The following UPP2 variants were observed in gnomAD, a reference collection of about 807,000 sequenced individuals.
The protein encoded by UPP2 is UPase 2.
Under a neutral mutation model 26.7 loss-of-function variants are expected in UPP2, and 23 were observed. The observed-to-expected ratio is 0.86, with a 90% confidence interval of 0.62 to 1.22. The LOEUF is 1.22. Among genes scored for constraint, UPP2 ranks in the 50% most tolerant of loss-of-function variants. The pLI is 0.00. For synonymous variants in UPP2, 127 were observed against 141.3 expected (o/e 0.90, Z 0.72); for missense variants, 387 against 396.7 (o/e 0.98, Z 0.21).
intron 6 of UPP2, among the ~76,000 whole-genome samples, chr2:158,132,413 C>T (rs1425738528): frequency 3.3e-5 from 5 of 152,162 alleles, no homozygotes; most frequent in Non-Finnish European, 5.9e-5. Context: ...TGGCTCTGAC[C>T]AGCTGTGTAA....
chr2:158,129,414 T>C (rs1683763016), intron 6 of UPP2, among the ~76,000 whole-genome samples: 1 of 152,048 alleles, frequency 6.6e-6, no homozygotes. Context: ...ATGTGAGGCA[T>C]GTAAGCTGAG....
intron 5 of UPP2, 126 bp from the exon 6 acceptor site, chr2:158,123,623 C>G: frequency 8.8e-7 from 1 of 1,138,052 alleles, no homozygotes; most frequent in Non-Finnish European, 1.2e-6. Flanking sequence ...TCAGTTTATC[C>G]TACACGGGGA....
At chr2:158,130,498 AT>A (rs1343328041) in intron 6 of UPP2, among the ~76,000 whole-genome samples, 1 of 152,088 alleles carries the variant, frequency 6.6e-6, no homozygotes, top group Non-Finnish European at 1.5e-5. Context: ...TACAGCCACC[AT>A]TAGCTAGTAA....
intron 3 of UPP2, among the ~76,000 whole-genome samples, chr2:158,071,200 G>T (rs1451881500): frequency 6.6e-6 from 1 of 152,140 alleles, no homozygotes. Flanking sequence ...ATCAGCTGGG[G>T]TGGCTAAGGG....
chr2:158,041,463 G>A lies in UPP2; in HGVS notation c.147+25577G>A, dbSNP rs570392188. Among the ~76,000 whole-genome samples the A allele has an allele frequency of 4.4e-5, 6 of 136,312 alleles. No homozygotes were observed. The South Asian group carries it at 6.5e-4, about 15-fold the overall frequency. The allele number at this position is 136,312 out of a possible 152,430, so 89.4% of individuals were successfully genotyped here. ...ATTAAAGGACTTCACTCATTTCCCCGAGAGTCTCTTTTAATTCTCTGATAT... is the reference window on the plus strand; with the variant it reads ...ATTAAAGGACTTCACTCATTTCCCCAAGAGTCTCTTTTAATTCTCTGATAT... On this transcript the variant is annotated intron_variant, in intron 3 of 9. Coordinates refer to the UPP2 transcript ENST00000605860.
intron 3 of UPP2, among the ~76,000 whole-genome samples, chr2:158,085,443 G>A (rs1044806818): frequency 2.6e-5 from 4 of 152,180 alleles, no homozygotes; most frequent in Middle Eastern, 6.8e-3. Flanking sequence ...CATATCATCA[G>A]CAAACAGTGA....
At chr2:158,132,890 GT>G (rs1355678174) in intron 6 of UPP2, among the ~76,000 whole-genome samples, 1 of 152,220 alleles carries the variant, frequency 6.6e-6, no homozygotes, top group Non-Finnish European at 1.5e-5. Context: ...TTGGCAGGAT[GT>G]GGAGAAAAGA....
Position 158,120,022 on chromosome 2 carries a change from AT to A in UPP2, c.455-1386del, listed in dbSNP as rs202008136. Among the ~76,000 whole-genome samples, 161 of 147,814 alleles carry A rather than the reference AT, an allele frequency of 1.1e-3. 1 individual carries two copies. Among genetic ancestry groups the A allele is most frequent in the Non-Finnish European group, 1.4e-3 (93 of 66,212 alleles). On this transcript the variant is annotated intron_variant, in intron 4 of 6. Transcript: ENST00000005756. ...CAAGACCTCATCTCAAAAAAAAAAA[AT>A]AAAAATAAAAATAAATTAAAAAAAA... is the stretch of plus-strand genomic sequence containing the variant.
At chr2:158,122,842 G>A (rs1444325476) in intron 5 of UPP2, among the ~76,000 whole-genome samples, 2 of 152,126 alleles carry the variant, frequency 1.3e-5, no homozygotes, top group African/African-American at 4.8e-5. Flanking sequence ...TGGCTTCTGC[G>A]ATGTCTGTGT....
chr2:158,092,286 AG>A (rs1013087328), intron 3 of UPP2, among the ~76,000 whole-genome samples: 1 of 152,228 alleles, frequency 6.6e-6, no homozygotes, highest in Non-Finnish European at 1.5e-5. Flanking sequence ...TTTCTAAAAA[AG>A]TCACACCTAA....
At chr2:158,113,087 G>A (rs551105487) in intron 2 of UPP2, among the ~76,000 whole-genome samples, 6 of 152,304 alleles carry the variant, frequency 3.9e-5, no homozygotes, top group African/African-American at 1.2e-4. Context: ...TGGTTTAGGA[G>A]TAAGGAAGGC....
chr2:158,130,173 C>G (rs1683783047), intron 6 of UPP2, among the ~76,000 whole-genome samples: 2 of 151,398 alleles, frequency 1.3e-5, no homozygotes, highest in Admixed American at 1.3e-4. Context: ...TTCCTGGAAG[C>G]CAAGCTGTAA....
chr2:158,125,036 C>T (rs941740365), intron 6 of UPP2, among the ~76,000 whole-genome samples: 1 of 152,122 alleles, frequency 6.6e-6, no homozygotes, highest in Non-Finnish European at 1.5e-5. Context: ...GAGGTCCTTG[C>T]TTAAACGTTA....
At chr2:158,072,875 C>T (rs1167679152) in intron 3 of UPP2, among the ~76,000 whole-genome samples, 1 of 152,066 alleles carries the variant, frequency 6.6e-6, no homozygotes, top group East Asian at 1.9e-4. Flanking sequence ...ACAAACAAGC[C>T]CAGACTGTGT....
rs572458915 is a variant in UPP2 at position 158,044,867 on chromosome 2, G to A, written c.147+28981G>A. 2.6e-5 allele frequency among the ~76,000 whole-genome samples: 4 copies of A among 152,154 alleles called. No homozygotes were observed. The East Asian group carries it at 7.7e-4, about 29-fold the overall frequency. On this transcript the variant is annotated intron_variant, in intron 3 of 9. Coordinates refer to the UPP2 transcript ENST00000605860. ...CCCTACCAATCACAGCCTTAACTCC[G>A]CTCCATGTGTCTGAACAGCAGTCCT...
At chr2:158,116,975 T>C (rs1444075050) in intron 3 of UPP2, among the ~76,000 whole-genome samples, 3 of 152,054 alleles carry the variant, frequency 2.0e-5, no homozygotes, top group African/African-American at 7.2e-5. Context: ...GGTGAAAACA[T>C]CATGGTCACG....
rs140356219 is a variant in UPP2, at chr2:158,044,801, C to T, written c.147+28915C>T. On this transcript the variant is annotated intron_variant, in intron 3 of 9. Transcript: ENST00000605860. ...ACGGTAACCAGAGAGTCCTCTGTAA[C>T]CTAAACGGCTCTAGTAAGATGTTTG... Among the ~76,000 whole-genome samples the T allele has an allele frequency of 2.0e-5, 3 of 152,246 alleles. No individual in the cohort carries two copies. In the East Asian group the frequency reaches 5.8e-4, roughly 29 times the overall value.
chr2:158,107,047 CTA>C (rs1683211243), intron 2 of UPP2, among the ~76,000 whole-genome samples: 1 of 152,108 alleles, frequency 6.6e-6, no homozygotes, highest in South Asian at 2.1e-4. Context: ...ATTACAGAGA[CTA>C]TTACTGAGTT....
intron 3 of UPP2, among the ~76,000 whole-genome samples, chr2:158,055,182 C>T (rs1249534305): frequency 2.0e-5 from 3 of 152,218 alleles, no homozygotes; most frequent in African/African-American, 7.2e-5. Flanking sequence ...GGTGGGGGCT[C>T]TCCCTGCTGA....
Sources: gnomAD v4.1 joint callset for allele counts (sites outside exome capture counted in the v4.1 genomes callset) on GRCh38, gnomAD v4.1.1 for gene constraint, MANE v1.5 for transcripts, NCBI Gene and HGNC (gene_info 2026-07-23, HGNC 2026-07-21) for gene names.